The following DOCK1 variants were observed in gnomAD, a reference collection of about 807,000 sequenced individuals.
DOCK1 encodes dedicator of cytokinesis protein 1.
Under a neutral mutation model 262.7 loss-of-function variants are expected in DOCK1, and 138 were observed. The observed-to-expected ratio is 0.53, with a 90% CI of 0.46 to 0.61. The LOEUF (loss-of-function observed/expected upper bound fraction) is 0.61. DOCK1 is among the 20% of genes least tolerant of loss of function. The pLI, the probability that DOCK1 is intolerant of heterozygous loss-of-function variation, is 0.00. For synonymous variants in DOCK1, 866 were observed against 867.4 expected, an observed-to-expected ratio of 1.00 and a Z score of 0.03; for missense variants, 1,908 against 2,370.7, an observed-to-expected ratio of 0.80 and a Z score of 4.05.
chr10:126,915,067 G>C (rs2032301388), intron 1 of DOCK1, among the ~76,000 whole-genome samples: 1 of 152,160 alleles, frequency 6.6e-6, no homozygotes, highest in Non-Finnish European at 1.5e-5. Flanking sequence ...CAAGTGGGGT[G>C]GGAAATGTAA....
intron 16 of DOCK1, among the ~76,000 whole-genome samples, chr10:127,028,009 C>T (rs1431393140): frequency 2.3e-5 from 3 of 130,456 alleles, no homozygotes; most frequent in Non-Finnish European, 4.7e-5. Flanking sequence ...ATGTGGCTGA[C>T]TGGAGGGGTT....
At chr10:127,316,022 C>T (rs1179921612) in intron 29 of DOCK1, among the ~76,000 whole-genome samples, 3 of 151,348 alleles carry the variant, frequency 2.0e-5, no homozygotes, top group Admixed American at 2.0e-4. Flanking sequence ...TGAATCCTTA[C>T]TCTTTAAAAA....
At chr10:127,057,818 A>G (rs928367696) in intron 22 of DOCK1, among the ~76,000 whole-genome samples, 3 of 152,222 alleles carry the variant, frequency 2.0e-5, no homozygotes, top group African/African-American at 2.4e-5. Context: ...TTGATCATGA[A>G]TAAGTTGTAC....
chr10:127,285,973 A>G (rs2061138524), intron 29 of DOCK1, among the ~76,000 whole-genome samples: 1 of 152,104 alleles, frequency 6.6e-6, no homozygotes, highest in Non-Finnish European at 1.5e-5. Context: ...AATCATCCTC[A>G]AAAGGCAGGG....
intron 29 of DOCK1, among the ~76,000 whole-genome samples, chr10:127,267,892 T>C (rs915391005): frequency 6.6e-6 from 1 of 152,114 alleles, no homozygotes; most frequent in Non-Finnish European, 1.5e-5. Flanking sequence ...TGCTTTTACG[T>C]CTAGAACAGG....
chr10:127,394,524 G>A (rs1477404305), intron 38 of DOCK1, among the ~76,000 whole-genome samples: 3 of 152,146 alleles, frequency 2.0e-5, no homozygotes, highest in African/African-American at 7.2e-5. Context: ...AAGAGGGACT[G>A]CAGGTCAACA....
At chr10:127,296,383 C>T (rs1039931443) in intron 29 of DOCK1, among the ~76,000 whole-genome samples, 13 of 152,172 alleles carry the variant, frequency 8.5e-5, no homozygotes, top group Admixed American at 4.6e-4. Context: ...CCCCTTTCAG[C>T]GCCTCCACCT....
intron 32 of DOCK1, among the ~76,000 whole-genome samples, chr10:127,356,780 CCTCTT>C (rs1159073831): frequency 6.6e-6 from 1 of 152,154 alleles, no homozygotes; most frequent in African/African-American, 2.4e-5. Context: ...AGACCCCAGA[CCTCTT>C]CTCTGGACAC....
At chr10:127,082,682 T>G (rs1181256418) in intron 23 of DOCK1, among the ~76,000 whole-genome samples, 1 of 151,746 alleles carries the variant, frequency 6.6e-6, no homozygotes, top group African/African-American at 2.4e-5. Flanking sequence ...CATATCAGGG[T>G]TGCAGAGGCT....
intron 2 of DOCK1, among the ~76,000 whole-genome samples, chr10:126,977,626 C>T (rs1215248029): frequency 2.0e-5 from 3 of 152,148 alleles, no homozygotes; most frequent in African/African-American, 7.2e-5. Context: ...CTACTCAGGG[C>T]CAGTGGTTGA....
chr10:127,383,477 A>T (rs552906754), intron 37 of DOCK1, among the ~76,000 whole-genome samples: 1 of 152,330 alleles, frequency 6.6e-6, no homozygotes, highest in East Asian at 1.9e-4. Flanking sequence ...TCCAATTGTG[A>T]TGGAGATATG....
At chr10:127,119,097 G>A (rs2049373647) in intron 25 of DOCK1, among the ~76,000 whole-genome samples, 1 of 150,872 alleles carries the variant, frequency 6.6e-6, no homozygotes, top group African/African-American at 2.4e-5. Context: ...AGGCTGGAGT[G>A]CAGTGGCGCA....
intron 29 of DOCK1, among the ~76,000 whole-genome samples, chr10:127,322,921 C>A (rs1002021356): frequency 2.0e-5 from 3 of 152,244 alleles, no homozygotes; most frequent in African/African-American, 7.2e-5. Context: ...TATTCACAGA[C>A]TGCAATCAAT....
intron 36 of DOCK1, 37 bp downstream of exon 36, chr10:127,380,159 AAAT>A (rs1441571776): frequency 1.5e-6 from 2 of 1,368,340 alleles, no homozygotes; most frequent in East Asian, 2.5e-5. Flanking sequence ...TGTTAATTAT[AAAT>A]AATAATATAT....
chr10:127,396,359 C>T (rs2066845177), intron 38 of DOCK1, among the ~76,000 whole-genome samples: 1 of 152,222 alleles, frequency 6.6e-6, no homozygotes, highest in Admixed American at 6.5e-5. Flanking sequence ...TGCACTCTCC[C>T]TTTGCAGCAC....
At position 127,190,645 on chromosome 10, in the gene DOCK1, A is replaced by G. The variant is rs190607489; in HGVS notation, c.2848-57363A>G. 3.0e-4 allele frequency among the ~76,000 whole-genome samples: 38 copies of G among 127,982 alleles called. 1 individual carries two copies. The East Asian group carries it at 0.01, about 34-fold the overall frequency. 84.0% of individuals were successfully genotyped at this position (127,982 alleles called of 152,430 possible). A position where few individuals can be genotyped will look rare whatever the true frequency, so the allele number is the denominator to read the frequency against. ...TCCAGTTGAAAATTCACACTCAAAT[A>G]TTTAATAGAAATCCTATCTTCCCCC... On this transcript the variant is annotated intron_variant, in intron 27 of 51. Transcript: ENST00000623213.
In DOCK1 at chr10:127,389,663, C is replaced by A. The variant is rs186303617; in HGVS notation, c.3927+4754C>A. Among the ~76,000 whole-genome samples, 33 of 152,138 alleles carry A rather than the reference C, an allele frequency of 2.2e-4. No individual in the cohort carries two copies. In the East Asian group the frequency reaches 2.9e-3, roughly 13 times the overall value. ...TGATTGGGTCATAAGGGTGGATTTCCTCCTTGGTGCTGTGTCGTGAGAGTG... is the reference window on the plus strand; with the variant it reads ...TGATTGGGTCATAAGGGTGGATTTCATCCTTGGTGCTGTGTCGTGAGAGTG... On this transcript the variant is annotated intron_variant, in intron 38 of 51. Transcript: ENST00000623213.
chr10:127,306,097 C>T (rs989807118), intron 29 of DOCK1, among the ~76,000 whole-genome samples: 1 of 151,618 alleles, frequency 6.6e-6, no homozygotes, highest in Non-Finnish European at 1.5e-5. Flanking sequence ...TTACTGCAAC[C>T]TCCGCCTCCC....
At chr10:127,229,397 C>T (rs904498931) in intron 27 of DOCK1, among the ~76,000 whole-genome samples, 6 of 152,160 alleles carry the variant, frequency 3.9e-5, no homozygotes, top group Non-Finnish European at 7.3e-5. Context: ...CCGGTCCCCC[C>T]GCTCTCCAGT....
Sources: allele counts gnomAD v4.1 joint callset (sites outside exome capture counted in the v4.1 genomes callset), GRCh38; gene constraint gnomAD v4.1.1; transcripts MANE v1.5; gene names NCBI Gene and HGNC (gene_info 2026-07-23, HGNC 2026-07-21).